The following FOXP1 variants were observed in gnomAD, a reference collection of about 807,000 sequenced individuals.
The protein encoded by FOXP1 is forkhead box P1.
A neutral mutation model predicts 98.2 loss-of-function variants in FOXP1; 15 were observed. That is an observed-to-expected ratio of 0.15 (90% confidence interval 0.10 to 0.24). The LOEUF (loss-of-function observed/expected upper bound fraction) is 0.24. Among genes scored for constraint, FOXP1 ranks in the 10% least tolerant of loss-of-function variants. The probability of loss-of-function intolerance (pLI) is 1.00; values close to 1 mark genes in which losing one functional copy is unlikely to be tolerated. For missense variants in FOXP1, 633 were observed against 848.5 expected, an observed-to-expected ratio of 0.75 and a Z score of 3.15; for synonymous variants, 371 against 314.5, an observed-to-expected ratio of 1.18 and a Z score of -1.90.
intron 3 of FOXP1, among the ~76,000 whole-genome samples, chr3:71,437,854 GCCCCA>G (rs1317867702): frequency 6.6e-6 from 1 of 152,164 alleles, no homozygotes; most frequent in Non-Finnish European, 1.5e-5. Context: ...AGAGGACAGG[GCCCCA>G]CCCGCACTTG....
chr3:71,013,654 A>G (rs866714334), intron 12 of FOXP1, among the ~76,000 whole-genome samples: 30 of 150,466 alleles, frequency 2.0e-4, no homozygotes, highest in Middle Eastern at 7.0e-3. Flanking sequence ...AACTACTTTA[A>G]AGTTCATATG....
chr3:71,180,764 A>G (rs1484607378), intron 6 of FOXP1, among the ~76,000 whole-genome samples: 1 of 152,190 alleles, frequency 6.6e-6, no homozygotes, highest in Non-Finnish European at 1.5e-5. Flanking sequence ...AATGCCAGTA[A>G]AAGTTGTGTT....
intron 4 of FOXP1, chr3:71,334,774 C>T (rs1322728380): frequency 3.3e-5 from 5 of 152,250 alleles, no homozygotes; most frequent in Admixed American, 6.5e-5. Context: ...TACCCATGAG[C>T]CTTTTCCAAA....
chr3:71,566,873 C>T (rs139759173), intron 2 of FOXP1, among the ~76,000 whole-genome samples: 1 of 152,042 alleles, frequency 6.6e-6, no homozygotes, highest in Admixed American at 6.6e-5. Context: ...CCTGGGTGCT[C>T]CTAATAATCT....
chr3:71,071,766 G>T (rs928903019), intron 7 of FOXP1, among the ~76,000 whole-genome samples: 12 of 152,016 alleles, frequency 7.9e-5, no homozygotes, highest in Non-Finnish European at 1.3e-4. Flanking sequence ...TAGAGACGGT[G>T]TTTCACCATG....
chr3:71,516,468 A>G (rs1249840008), intron 2 of FOXP1, among the ~76,000 whole-genome samples: 1 of 152,236 alleles, frequency 6.6e-6, no homozygotes, highest in Admixed American at 6.5e-5. Context: ...AAATGAGCTC[A>G]TACTTTGTAT....
chr3:71,511,724 C>T (rs1440247296), intron 2 of FOXP1, among the ~76,000 whole-genome samples: 6 of 152,048 alleles, frequency 3.9e-5, no homozygotes. Flanking sequence ...TTATAGCAAT[C>T]CTTTTTTTGA....
At chr3:71,268,570 T>C (rs1006219501) in intron 5 of FOXP1, among the ~76,000 whole-genome samples, 2 of 140,196 alleles carry the variant, frequency 1.4e-5, no homozygotes, top group African/African-American at 5.7e-5. Context: ...ACAACCAACA[T>C]GGTTTGCTTG....
chr3:71,527,425 T>G (rs1401974357), intron 2 of FOXP1, among the ~76,000 whole-genome samples: 2 of 152,202 alleles, frequency 1.3e-5, no homozygotes, highest in Non-Finnish European at 2.9e-5. Context: ...CCAAGCTAAG[T>G]GACCCTCACA....
chr3:70,987,923 T>G, intron 14 of FOXP1, 71 bp downstream of exon 14: 11 of 1,389,966 alleles, frequency 7.9e-6, no homozygotes, highest in Non-Finnish European at 1.1e-5. Context: ...CTTCCTCCAT[T>G]TGGGGTGGGG....
Position 71,433,753 on chromosome 3 carries a change from A to G in FOXP1, c.-168+59673T>C, listed in dbSNP as rs151038335. 2.5e-3 allele frequency among the ~76,000 whole-genome samples: 382 copies of G among 152,262 alleles called. 4 individuals are homozygous for G. Among genetic ancestry groups the G allele is most frequent in the African/African-American group, 8.1e-3 (338 of 41,554 alleles). ...CGGGAGAGCAGCTCCAAGCCCATCC[A>G]ATCCCCCACGTGAGTTTTCTCTTCC... On this transcript the variant is annotated intron_variant, in intron 3 of 20. Transcript: ENST00000649528.
Position 71,518,126 on chromosome 3 carries a change from T to G in FOXP1, c.-297-24571A>C, listed in dbSNP as rs2042714811. 2.0e-5 allele frequency among the ~76,000 whole-genome samples: 3 copies of G among 152,142 alleles called. No individual in the cohort carries two copies. In the South Asian group the frequency reaches 6.2e-4, roughly 31 times the overall value. ...TCTTGCTGGACATTTGACAGTGTTT[T>G]TTTTTGTTTTTTGTTTTTTGTTTTT... On this transcript the variant is annotated intron_variant, in intron 2 of 20. Transcript: ENST00000649528.
intron 5 of FOXP1, among the ~76,000 whole-genome samples, chr3:71,254,188 C>A (rs996716179): frequency 2.0e-5 from 3 of 152,192 alleles, no homozygotes; most frequent in African/African-American, 7.2e-5. Context: ...TTCCTCCCCC[C>A]TAACTTCCTA....
chr3:71,133,329 T>C (rs1433890815), intron 6 of FOXP1, among the ~76,000 whole-genome samples: 1 of 152,206 alleles, frequency 6.6e-6, no homozygotes, highest in East Asian at 1.9e-4. Context: ...AAAAACCTCA[T>C]AATAACATCA....
At chr3:70,966,160 G>T in intron 19 of FOXP1, 104 bp from the exon 20 acceptor site, 2 of 1,041,336 alleles carry the variant, frequency 1.9e-6, no homozygotes, top group Non-Finnish European at 3.0e-6. Context: ...GTTAATTGTA[G>T]CATGGCTGGC....
intron 2 of FOXP1, among the ~76,000 whole-genome samples, chr3:71,568,757 C>A (rs1252318864): frequency 6.6e-6 from 1 of 152,134 alleles, no homozygotes; most frequent in Non-Finnish European, 1.5e-5. Flanking sequence ...AGCAATTCTC[C>A]TGCCTCAGCC....
At chr3:71,369,813 A>G (rs144270054) in intron 3 of FOXP1, among the ~76,000 whole-genome samples, 345 of 152,316 alleles carry the variant, frequency 2.3e-3, no homozygotes, top group African/African-American at 7.6e-3. Context: ...AGAAACAGCT[A>G]CTTTCTCAGT....
At chr3:71,244,167 T>C (rs2067520183) in intron 5 of FOXP1, among the ~76,000 whole-genome samples, 1 of 152,216 alleles carries the variant, frequency 6.6e-6, no homozygotes, top group Non-Finnish European at 1.5e-5. Flanking sequence ...GGTAATAAAA[T>C]GTACACATCA....
intron 5 of FOXP1, among the ~76,000 whole-genome samples, chr3:71,223,869 G>T (rs1394720611): frequency 6.6e-6 from 1 of 152,096 alleles, no homozygotes; most frequent in East Asian, 1.9e-4. Flanking sequence ...TGGATACTTA[G>T]GAGTCACTCA....
Sources: gnomAD v4.1 joint callset for allele counts (sites outside exome capture counted in the v4.1 genomes callset) on GRCh38, gnomAD v4.1.1 for gene constraint, MANE v1.5 for transcripts, NCBI Gene and HGNC (gene_info 2026-07-23, HGNC 2026-07-21) for gene names.